The following FLNC variants were observed in gnomAD, a reference collection of about 807,000 sequenced individuals.
FLNC encodes filamin C.
FLNC carries 91 observed loss-of-function variants against 254.3 expected under a neutral mutation model. That is an observed-to-expected ratio of 0.36 (90% confidence interval 0.30 to 0.43). The LOEUF is 0.43. Ranked by LOEUF, FLNC falls within the 20% of genes least tolerant of loss-of-function variation. The pLI is 1.00. For synonymous variants in FLNC, 1,430 were observed against 1,577.2 expected (o/e 0.91, Z 2.21); for missense variants, 2,853 against 3,802.6 (o/e 0.75, Z 6.57).
At chr7:128,847,573 C>T (rs1221122517) in intron 24 of FLNC, 124 bp from the exon 25 acceptor site, 4 of 1,065,064 alleles carry the variant, frequency 3.8e-6, no homozygotes, top group East Asian at 2.4e-5. Context: ...GCCATTTTCC[C>T]ATGTTGGTCT....
intron 35 of FLNC, 105 bp downstream of exon 35, chr7:128,851,733 A>G: frequency 8.4e-7 from 1 of 1,195,744 alleles, no homozygotes; most frequent in Non-Finnish European, 1.2e-6. Context: ...ACATTAGGGC[A>G]GAGGCCCTTC....
Position 128,846,474 on chromosome 7 carries a change from C to A in FLNC, c.4127+11C>A, listed in dbSNP as rs372563727. 8.1e-6 allele frequency: 13 copies of A among 1,600,010 alleles called. No homozygotes were observed. Among genetic ancestry groups the A allele is most frequent in the African/African-American group, 5.3e-5 (4 of 74,916 alleles). Reference sequence around the variant, plus strand: ...CACTGTGGAGACCAGGTATCCTCCCCCTTTGCTAGCCTAAATCTGTGACCA... The same window carrying A: ...CACTGTGGAGACCAGGTATCCTCCCACTTTGCTAGCCTAAATCTGTGACCA... On this transcript the variant is annotated intron_variant, in intron 23 of 47. Coordinates refer to ENST00000325888, the MANE Select transcript of FLNC (RefSeq NM_001458.5).
chr7:128,840,742 C>T (rs1041783157), intron 10 of FLNC, 68 bp downstream of exon 10: 16 of 1,504,644 alleles, frequency 1.1e-5, no homozygotes, highest in Non-Finnish European at 1.5e-5. Flanking sequence ...GGGCACTGGG[C>T]TGCGAGGGAG....
intron 1 of FLNC, among the ~76,000 whole-genome samples, chr7:128,834,431 C>T (rs1562990653): frequency 6.6e-6 from 1 of 150,994 alleles, no homozygotes; most frequent in Non-Finnish European, 1.5e-5. Flanking sequence ...CCTTTGACAA[C>T]ATGACTTTCA....
rs1230429088 is a variant in FLNC at position 128,854,558 on chromosome 7, G to A, written c.6873G>A (p.Lys2291=). ...TGGGGCCCCATACGGTCGCTGTCAA[G>A]TACCGTGGCCAGCACGTGCCCGGCA... The part of the protein sequence containing the change: ...QEMGPHTVAV[K]YRGQHVPGSP... The change falls in exon 41 of 48, where the codon AAG becomes AAA. Residue 2291 remains lysine, a synonymous_variant. Coordinates refer to ENST00000325888, the MANE Select transcript of FLNC (RefSeq NM_001458.5). The A allele has an allele frequency of 1.9e-6, 3 of 1,608,454 alleles. No individual in the cohort carries two copies. The highest frequency in any genetic ancestry group is 2.5e-6 in the Non-Finnish European group (3 of 1,177,946).
chr7:128,841,078 G>T lies in FLNC; in HGVS notation c.1814-92G>T. ...GCTGGGGAGCGCTGGGGTGAGCAGGGAGATAGGACATGAGGGCAGCTAGAG... is the reference window on the plus strand; with the variant it reads ...GCTGGGGAGCGCTGGGGTGAGCAGGTAGATAGGACATGAGGGCAGCTAGAG... On this transcript the variant is annotated intron_variant, in intron 11 of 47. Transcript: ENST00000325888. The surrounding 1 kb of genome is among the most constrained non-coding windows in gnomAD (Gnocchi z 4.3). The T allele has an allele frequency of 1.9e-6, 3 of 1,576,080 alleles. No homozygotes were observed. The highest frequency in any genetic ancestry group is 2.6e-6 in the Non-Finnish European group (3 of 1,151,780).
In FLNC at chr7:128,840,688, G is replaced by C. The variant is rs775501421; in HGVS notation, c.1676+14G>C. The C allele has an allele frequency of 9.9e-6, 16 of 1,612,556 alleles. No individual in the cohort carries two copies. In the East Asian group the frequency reaches 3.6e-4, roughly 36 times the overall value. On this transcript the variant is annotated intron_variant, in intron 10 of 47. Transcript: ENST00000325888. ...CATCCCTCGCAGGTGAGTACCTTGCGCCCCCCATGCTGTCCTGTCTAGGCC... is the reference window on the plus strand; with the variant it reads ...CATCCCTCGCAGGTGAGTACCTTGCCCCCCCCATGCTGTCCTGTCTAGGCC...
At position 128,851,266 on chromosome 7, in the gene FLNC, C is replaced by T. The variant is rs984105718; in HGVS notation, c.5574C>T (p.Asn1858=). The stretch of plus-strand genomic sequence containing the variant: ...TACAGTTCTATGTGGATGCCATCAA[C>T]AGCCGCCATGTCAGTGCCTATGGGC... ...SPLQFYVDAI[N]SRHVSAYGPG... The change falls in exon 34 of 48, where the codon AAC becomes AAT. Residue 1858 remains asparagine, a synonymous_variant. Transcript: ENST00000325888. 2 of 1,613,964 alleles carry T rather than the reference C, an allele frequency of 1.2e-6. No homozygotes were observed. Among genetic ancestry groups the T allele is most frequent in the Non-Finnish European group, 1.7e-6 (2 of 1,180,026 alleles).
chr7:128,852,895 C>T lies in FLNC; in HGVS notation c.6072C>T (p.Val2024=). 1.2e-6 allele frequency: 2 copies of T among 1,613,764 alleles called. No homozygotes were observed. The highest frequency in any genetic ancestry group is 1.1e-5 in the South Asian group (1 of 91,072). Residue 2024 remains valine (V), a synonymous_variant, in exon 37 of 48, where the codon GTC becomes GTT. Coordinates refer to ENST00000325888, the MANE Select transcript of FLNC (RefSeq NM_001458.5). ...GCGTGCGCAAGAGTGGCAAGCATGT[C>T]ACCAACAGCCCCTTCAAGATCCTGG... ...VVSVRKSGKH[V]TNSPFKILVG... is the part of the protein sequence containing the mutation.
Position 128,844,266 on chromosome 7 carries a change from G to A in FLNC, c.3192G>A (p.Lys1064=), listed in dbSNP as rs1409892702. The change falls in exon 20 of 48, where the codon AAG becomes AAA. Residue 1064 remains lysine (K), a splice_region_variant and synonymous_variant. Transcript: ENST00000325888. ...GTGTCCTGCCCCCTGATCCCTCCAAGGTGAGGAGATAGGAGCTGGTTGGGG... is the reference window on the plus strand; with the variant it reads ...GTGTCCTGCCCCCTGATCCCTCCAAAGTGAGGAGATAGGAGCTGGTTGGGG... ...VEGVLPPDPS[K]VCAYGPGLKG... is the part of the protein sequence containing the mutation. 3 of 1,603,542 alleles carry A rather than the reference G, an allele frequency of 1.9e-6. No homozygotes were observed. The highest frequency in any genetic ancestry group is 2.6e-6 in the Non-Finnish European group (3 of 1,173,630).
At chr7:128,854,318 G>A (rs1808959552) in intron 40 of FLNC, 95 bp from the exon 41 acceptor site, 2 of 1,601,556 alleles carry the variant, frequency 1.2e-6, no homozygotes, top group Non-Finnish European at 1.7e-6. Context: ...GCCAGGGCAG[G>A]TCTGAGCAGA....
At position 128,835,667 on chromosome 7, in the gene FLNC, C is replaced by A; in HGVS notation, c.601+93C>A. ...GCCAAGGCGTGTGGTTGTCAGAATGCACACCCTGGGGCCTGGGGGCCAGGA... is the reference window on the plus strand; with the variant it reads ...GCCAAGGCGTGTGGTTGTCAGAATGAACACCCTGGGGCCTGGGGGCCAGGA... On this transcript the variant is annotated intron_variant, in intron 2 of 47. Transcript: ENST00000325888. This position sits in a 1 kb window ranked among gnomAD's most constrained non-coding sequence, Gnocchi z 5.3. 7.0e-7 allele frequency: 1 copy of A among 1,423,684 alleles called. No individual in the cohort carries two copies. The highest frequency in any genetic ancestry group is 9.8e-7 in the Non-Finnish European group (1 of 1,025,258). The allele number at this position is 1,423,684 out of a possible 1,614,324, so 88.2% of individuals were successfully genotyped here.
At chr7:128,846,538 G>T in intron 23 of FLNC, 75 bp downstream of exon 23, 1 of 1,563,148 alleles carries the variant, frequency 6.4e-7, no homozygotes, top group Non-Finnish European at 8.7e-7. Context: ...TCATCCCTCT[G>T]CCTGGGCCTC....
chr7:128,832,048 G>GT (rs1294692672), intron 1 of FLNC, among the ~76,000 whole-genome samples: 2 of 152,172 alleles, frequency 1.3e-5, no homozygotes, highest in African/African-American at 4.8e-5. Context: ...GGCCAGGTGG[G>GT]CCCCACACAG....
rs767576240 is a variant in FLNC at position 128,841,447 on chromosome 7, C to T, written c.2008-7C>T. ...CTCCCCAACTCAGCCTTCTTCCCTC[C>T]GCACAGGTGAAGGCCTTTGGGCCTG... is the stretch of plus-strand genomic sequence containing the variant. On this transcript the variant is annotated splice_polypyrimidine_tract_variant and splice_region_variant and intron_variant, in intron 12 of 47. Coordinates refer to ENST00000325888, the MANE Select transcript of FLNC (RefSeq NM_001458.5). This position sits in a 1 kb window ranked among gnomAD's most constrained non-coding sequence, Gnocchi z 4.3. 14 of 1,613,804 alleles carry T rather than the reference C, an allele frequency of 8.7e-6. No homozygotes were observed. The highest frequency in any genetic ancestry group is 7.7e-5 in the South Asian group (7 of 91,078).
Position 128,849,996 on chromosome 7 carries a change from C to T in FLNC, c.5220C>T (p.His1740=), listed in dbSNP as rs369739871. ...CCCAGGCGTGTGACCCCCTGCCGCA[C>T]GAGGAGGAGCCCTCTGAAGTGCCAC... ...FHVLACDPLP[H]EEEPSEVPQL... is the part of the protein sequence containing the mutation. The change falls in exon 31 of 48, where the codon CAC becomes CAT. Residue 1740 remains histidine (H), a synonymous_variant. Transcript: ENST00000325888. 7.8e-5 allele frequency: 123 copies of T among 1,585,100 alleles called. No homozygotes were observed. Among genetic ancestry groups the T allele is most frequent in the African/African-American group, 6.6e-4 (49 of 74,706 alleles).
At position 128,851,531 on chromosome 7, in the gene FLNC, C is replaced by T. The variant is rs369449907; in HGVS notation, c.5745C>T (p.Thr1915=). The T allele has an allele frequency of 2.0e-5, 32 of 1,613,958 alleles. 1 individual carries two copies. Among genetic ancestry groups the T allele is most frequent in the African/African-American group, 6.7e-5 (5 of 75,038 alleles). The change falls in exon 35 of 48, where the codon ACC becomes ACT. Residue 1915 remains threonine (T), a synonymous_variant. Coordinates refer to ENST00000325888, the MANE Select transcript of FLNC (RefSeq NM_001458.5). ...TCKDNKDGTC[T]VSYLPTAPGD... ...AGGACAACAAGGATGGCACCTGCAC[C>T]GTGTCCTATCTGCCGACTGCGCCTG...
Position 128,852,623 on chromosome 7 carries a change from G to A in FLNC, c.5875G>A (p.Val1959Met). The A allele has an allele frequency of 6.2e-7, 1 of 1,613,338 alleles. No homozygotes were observed. Among genetic ancestry groups the A allele is most frequent in the Non-Finnish European group, 8.5e-7 (1 of 1,180,032 alleles). The change falls in exon 36 of 48, where the codon GTG becomes ATG. Residue 1959 changes from valine to methionine, a missense_variant. Transcript: ENST00000325888. ...CTCCATGAGGACCTCACAGCTGAAT[G>A]TGGGCACCTCCACGGACGTGTCACT... ...DDSMRTSQLN[V>M]GTSTDVSLKI...
chr7:128,837,144 T>A lies in FLNC; in HGVS notation c.602-16T>A, dbSNP rs1236096502. 47 of 1,570,580 alleles carry A rather than the reference T, an allele frequency of 3.0e-5. No individual in the cohort carries two copies. The highest frequency in any genetic ancestry group is 5.4e-5 in the African/African-American group (4 of 73,918). On this transcript the variant is annotated splice_polypyrimidine_tract_variant and intron_variant, in intron 2 of 47. Transcript: ENST00000325888. ...TGGCTGCCCCTCACCATCGTCTCCCTCCATCACCTCTCCAGGTCTCTGCCC... is the reference window on the plus strand; with the variant it reads ...TGGCTGCCCCTCACCATCGTCTCCCACCATCACCTCTCCAGGTCTCTGCCC...
Sources: allele counts gnomAD v4.1 joint callset (sites outside exome capture counted in the v4.1 genomes callset), GRCh38; gene constraint gnomAD v4.1.1; non-coding constraint Gnocchi (gnomAD v3.1); transcripts MANE v1.5; gene names NCBI Gene and HGNC (gene_info 2026-07-23, HGNC 2026-07-21).